The following RXRG variants were observed in gnomAD, a reference collection of about 807,000 sequenced individuals.
RXRG encodes the protein retinoid X receptor gamma.
A neutral mutation model predicts 49.2 loss-of-function variants in RXRG; 19 were observed. The ratio of observed to expected loss-of-function variants is 0.39; its 90% CI spans 0.27 to 0.57. The LOEUF is 0.57. Ranked by LOEUF, RXRG falls within the 20% of genes least tolerant of loss-of-function variation. The pLI is 0.64. For synonymous variants in RXRG, 224 were observed against 216.6 expected, an observed-to-expected ratio of 1.03 and a Z score of -0.30; for missense variants, 452 against 592.5, an observed-to-expected ratio of 0.76 and a Z score of 2.46.
At chr1:165,429,034 C>A in intron 1 of RXRG, 68 bp from the exon 2 acceptor site, 4 of 1,510,648 alleles carry the variant, frequency 2.6e-6, no homozygotes, top group Non-Finnish European at 2.7e-6. Context: ...GGGACAGAGG[C>A]CTAGCCCCAC....
At chr1:165,444,239 G>GGCA (rs1347678808) in intron 1 of RXRG, among the ~76,000 whole-genome samples, 2 of 152,140 alleles carry the variant, frequency 1.3e-5, no homozygotes, top group African/African-American at 4.8e-5. Context: ...TAGAATTGGG[G>GGCA]GCAGCAGCAG....
At chr1:165,402,880 G>A (rs1657628262) in intron 9 of RXRG, among the ~76,000 whole-genome samples, 1 of 151,986 alleles carries the variant, frequency 6.6e-6, no homozygotes, top group Admixed American at 6.6e-5. Flanking sequence ...TCACACATGT[G>A]CACACACTCA....
intron 1 of RXRG, among the ~76,000 whole-genome samples, chr1:165,437,770 T>C (rs1571289448): frequency 1.3e-5 from 2 of 152,226 alleles, no homozygotes; most frequent in East Asian, 3.9e-4. Flanking sequence ...GGAATTGGCT[T>C]AAAGGGACAG....
At chr1:165,402,889 C>T (rs943024215) in intron 9 of RXRG, among the ~76,000 whole-genome samples, 1 of 152,208 alleles carries the variant, frequency 6.6e-6, no homozygotes, top group Non-Finnish European at 1.5e-5. Flanking sequence ...TGCACACACT[C>T]ATTCTCACAT....
intron 3 of RXRG, 131 bp downstream of exon 3, chr1:165,419,739 G>A (rs145892417): frequency 3.7e-5 from 24 of 651,770 alleles, no homozygotes; most frequent in Admixed American, 1.7e-4. Context: ...TGACATAAAC[G>A]TATAGGTGGG....
chr1:165,402,739 C>T (rs183213953), intron 9 of RXRG, among the ~76,000 whole-genome samples: 1 of 152,126 alleles, frequency 6.6e-6, no homozygotes, highest in Non-Finnish European at 1.5e-5. Context: ...CCTTCACACA[C>T]ACTCATGCAC....
Position 165,401,326 on chromosome 1 carries a change from G to C in RXRG, c.1329C>G (p.Ile443Met). The C allele has an allele frequency of 6.2e-7, 1 of 1,614,128 alleles. No individual in the cohort carries two copies. Among genetic ancestry groups the C allele is most frequent in the Non-Finnish European group, 8.5e-7 (1 of 1,180,012 alleles). Reference protein sequence around the residue: ...CLEHLFFFKLIGDTPIDTFLM... With the variant: ...CLEHLFFFKLMGDTPIDTFLM... ...GGAAGGTGTCAATGGGGGTGTCCCC[G>C]ATGAGCTTGAAGAAGAAGAGGTGCT... The change falls in exon 10 of 10, where the codon ATC becomes ATG. Residue 443 changes from isoleucine (I) to methionine (M), a missense_variant. By Grantham distance (10) the Ile-to-Met change is conservative. Transcript: ENST00000359842.
At chr1:165,444,044 C>T (rs1370308429) in intron 1 of RXRG, among the ~76,000 whole-genome samples, 4 of 152,202 alleles carry the variant, frequency 2.6e-5, no homozygotes, top group East Asian at 3.9e-4. Flanking sequence ...ATCCTTGGGA[C>T]GGATGTGCTT....
chr1:165,440,356 T>A (rs1658944827), intron 1 of RXRG, among the ~76,000 whole-genome samples: 1 of 152,228 alleles, frequency 6.6e-6, no homozygotes, highest in Non-Finnish European at 1.5e-5. Context: ...AACGAGTTGA[T>A]ACAGGTTAAG....
At chr1:165,437,100 T>C (rs757115053) in intron 1 of RXRG, 1 of 1,362,754 alleles carries the variant, frequency 7.3e-7, no homozygotes, top group South Asian at 1.2e-5. Flanking sequence ...GTCACTAGTG[T>C]CATGGGGAAG....
At chr1:165,443,426 T>C (rs1417885486) in intron 1 of RXRG, among the ~76,000 whole-genome samples, 1 of 152,192 alleles carries the variant, frequency 6.6e-6, no homozygotes, top group Non-Finnish European at 1.5e-5. Context: ...AGAGATCAAA[T>C]GCCCAGGTCA....
chr1:165,419,834 T>C, intron 3 of RXRG, 36 bp downstream of exon 3: 9 of 1,542,974 alleles, frequency 5.8e-6, no homozygotes, highest in Non-Finnish European at 7.9e-6. Context: ...CCCTTCTCTG[T>C]GGCACTTTTC....
At chr1:165,402,042 C>T (rs1657591232) in intron 9 of RXRG, among the ~76,000 whole-genome samples, 1 of 152,128 alleles carries the variant, frequency 6.6e-6, no homozygotes, top group Non-Finnish European at 1.5e-5. Flanking sequence ...GCCTTGGGGT[C>T]CACAGTCACC....
chr1:165,409,071 C>T (rs1255550761), intron 7 of RXRG, among the ~76,000 whole-genome samples: 1 of 152,190 alleles, frequency 6.6e-6, no homozygotes, highest in Admixed American at 6.5e-5. Flanking sequence ...GATGGGTTTG[C>T]TCCTGCTGCA....
At chr1:165,407,841 G>T (rs185751641) in intron 8 of RXRG, among the ~76,000 whole-genome samples, 1 of 119,804 alleles carries the variant, frequency 8.3e-6, no homozygotes, top group African/African-American at 2.8e-5. Context: ...CATTGTTCAG[G>T]AAAACAAAAC....
At chr1:165,437,043 AT>A in intron 1 of RXRG, 1 of 1,259,850 alleles carries the variant, frequency 7.9e-7, no homozygotes, top group Non-Finnish European at 1.0e-6. Flanking sequence ...CCTGGGTTTC[AT>A]TTCTGTGACT....
intron 2 of RXRG, among the ~76,000 whole-genome samples, chr1:165,427,923 C>G (rs1658543669): frequency 6.6e-6 from 1 of 152,126 alleles, no homozygotes; most frequent in East Asian, 1.9e-4. Flanking sequence ...GCTGAGCCCA[C>G]TCACCCACCA....
intron 1 of RXRG, chr1:165,437,237 AG>A: frequency 4.4e-6 from 6 of 1,366,318 alleles, no homozygotes; most frequent in Non-Finnish European, 5.9e-6. Flanking sequence ...TCAGTCAGCC[AG>A]CACGCCTGGC....
chr1:165,416,534 C>A (rs1338363200), intron 4 of RXRG, among the ~76,000 whole-genome samples: 4 of 152,022 alleles, frequency 2.6e-5, no homozygotes, highest in Non-Finnish European at 5.9e-5. Context: ...TGATAGCAGA[C>A]CCAGGTAAAA....
Sources: allele counts gnomAD v4.1 joint callset (sites outside exome capture counted in the v4.1 genomes callset), GRCh38; gene constraint gnomAD v4.1.1; transcripts MANE v1.5; gene names NCBI Gene and HGNC (gene_info 2026-07-23, HGNC 2026-07-21).